The following LPCAT2 variants were observed in gnomAD, a reference collection of about 807,000 sequenced individuals.
The protein encoded by LPCAT2 is 1-AGP acyltransferase 11.
A neutral mutation model predicts 64.7 loss-of-function variants in LPCAT2; 58 were observed. The observed-to-expected ratio is 0.90, with a 90% CI of 0.73 to 1.12. The LOEUF is 1.12. Among genes scored for constraint, LPCAT2 ranks in the 50% most tolerant of loss-of-function variants. LPCAT2 has a pLI of 0.00. For missense variants in LPCAT2, 579 were observed against 669.8 expected, an observed-to-expected ratio of 0.86 and a Z score of 1.50; for synonymous variants, 252 against 245.3, an observed-to-expected ratio of 1.03 and a Z score of -0.26.
chr16:55,509,402 C>T (rs754023480), intron 1 of LPCAT2, 50 bp downstream of exon 1: 1 of 1,284,062 alleles, frequency 7.8e-7, no homozygotes, highest in Non-Finnish European at 9.9e-7. Flanking sequence ...GGGCCTAGGT[C>T]AGAGGGGGGT....
intron 11 of LPCAT2, among the ~76,000 whole-genome samples, chr16:55,572,025 G>A (rs999125349): frequency 6.6e-6 from 1 of 152,126 alleles, no homozygotes; most frequent in Non-Finnish European, 1.5e-5. Context: ...ATCTCTCAGA[G>A]TAATTTCCAT....
chr16:55,568,501 A>G (rs893441971), intron 11 of LPCAT2, among the ~76,000 whole-genome samples: 1 of 152,226 alleles, frequency 6.6e-6, no homozygotes, highest in Non-Finnish European at 1.5e-5. Context: ...TGACTATTGC[A>G]ATTATTCTCA....
At chr16:55,516,687 A>G (rs915720841) in intron 1 of LPCAT2, among the ~76,000 whole-genome samples, 2 of 152,224 alleles carry the variant, frequency 1.3e-5, no homozygotes, top group Admixed American at 6.5e-5. Flanking sequence ...GATTTTCAAC[A>G]ATGCTAGAGA....
chr16:55,530,786 A>G (rs1429659242), intron 4 of LPCAT2, among the ~76,000 whole-genome samples: 1 of 152,170 alleles, frequency 6.6e-6, no homozygotes, highest in Non-Finnish European at 1.5e-5. Flanking sequence ...TAGGACTGGT[A>G]GATGGGAGAT....
intron 13 of LPCAT2, among the ~76,000 whole-genome samples, chr16:55,582,060 A>G (rs1450289362): frequency 6.6e-6 from 1 of 152,222 alleles, no homozygotes; most frequent in African/African-American, 2.4e-5. Context: ...AAAACCAATT[A>G]TAGAAAGTGG....
At chr16:55,514,461 C>T (rs1205794981) in intron 1 of LPCAT2, among the ~76,000 whole-genome samples, 1 of 152,154 alleles carries the variant, frequency 6.6e-6, no homozygotes, top group African/African-American at 2.4e-5. Flanking sequence ...TAATTATTAG[C>T]TGATTACTAA....
chr16:55,567,440 A>T, intron 11 of LPCAT2: 1 of 1,613,810 alleles, frequency 6.2e-7, no homozygotes, highest in South Asian at 1.1e-5. Flanking sequence ...CTCTGGATAG[A>T]GATAGAGATG....
intron 1 of LPCAT2, among the ~76,000 whole-genome samples, chr16:55,513,589 G>A (rs1962965271): frequency 6.6e-6 from 1 of 151,998 alleles, no homozygotes; most frequent in Non-Finnish European, 1.5e-5. Context: ...AATCCAAGGA[G>A]CATTTATTTA....
intron 11 of LPCAT2, among the ~76,000 whole-genome samples, chr16:55,574,301 C>T (rs1963802823): frequency 6.6e-6 from 1 of 152,162 alleles, no homozygotes; most frequent in African/African-American, 2.4e-5. Context: ...ACTTCACTTC[C>T]ACAAAGGATG....
intron 6 of LPCAT2, among the ~76,000 whole-genome samples, chr16:55,533,869 G>A (rs1963289349): frequency 6.6e-6 from 1 of 152,042 alleles, no homozygotes; most frequent in African/African-American, 2.4e-5. Context: ...TTCTTTACTA[G>A]AGAATTTATA....
Position 55,529,914 on chromosome 16 carries a change from A to G in LPCAT2, c.609A>G (p.Ile203Met). Residue 203 changes from isoleucine to methionine, a missense_variant, in exon 4 of 14, where the codon ATA becomes ATG. Transcript: ENST00000262134. ...DSRKNTINEI[I>M]KRTTSGGEWP... is the part of the protein sequence containing the mutation. ...GAAAAAACACAATAAATGAAATAAT[A>G]AAGCGAACAACATCAGGAGGAGAAT... 2 of 1,611,796 alleles carry G rather than the reference A, an allele frequency of 1.2e-6. No homozygotes were observed. Among genetic ancestry groups the G allele is most frequent in the Non-Finnish European group, 1.7e-6 (2 of 1,179,090 alleles).
chr16:55,560,385 T>G (rs1398513134), intron 11 of LPCAT2, among the ~76,000 whole-genome samples: 3 of 152,110 alleles, frequency 2.0e-5, no homozygotes, highest in Non-Finnish European at 4.4e-5. Context: ...TGTGTTATTC[T>G]AGACGAGGTT....
At chr16:55,575,608 C>T (rs540412053) in intron 12 of LPCAT2, among the ~76,000 whole-genome samples, 1 of 152,262 alleles carries the variant, frequency 6.6e-6, no homozygotes, top group African/African-American at 2.4e-5. Flanking sequence ...TCATCTCTTC[C>T]TGACTTTCTT....
rs944231348 is a variant in LPCAT2 at position 55,511,772 on chromosome 16, A to G, written c.171+2420A>G. Among the ~76,000 whole-genome samples the G allele has an allele frequency of 7.9e-5, 12 of 152,236 alleles. No individual in the cohort carries two copies. The South Asian group carries it at 8.3e-4, about 11-fold the overall frequency. On this transcript the variant is annotated intron_variant, in intron 1 of 13. Transcript: ENST00000262134. ...TGCCTAATATTTTGCAACTTGTTCA[A>G]TTAAAATCCATATGGGTTGCTCAGT...
At chr16:55,509,460 G>A (rs1962893275) in intron 1 of LPCAT2, 108 bp downstream of exon 1, 1 of 1,178,662 alleles carries the variant, frequency 8.5e-7, no homozygotes. Flanking sequence ...CGAGGGGGGC[G>A]TGGGTCTGAG....
At chr16:55,528,702 C>A in intron 3 of LPCAT2, 108 bp downstream of exon 3, 1 of 782,886 alleles carries the variant, frequency 1.3e-6, no homozygotes, top group Non-Finnish European at 2.0e-6. Flanking sequence ...TTAAAATAAA[C>A]ATTTCAAACA....
chr16:55,567,049 C>T, intron 11 of LPCAT2: 1 of 1,613,878 alleles, frequency 6.2e-7, no homozygotes, highest in Non-Finnish European at 8.5e-7. Context: ...GTGGGTGCCA[C>T]TGATCTGATG....
intron 11 of LPCAT2, chr16:55,567,476 A>T: frequency 6.2e-7 from 1 of 1,613,214 alleles, no homozygotes; most frequent in Non-Finnish European, 8.5e-7. Flanking sequence ...CTATCAAAGA[A>T]TGGCTGCAGT....
intron 8 of LPCAT2, 55 bp downstream of exon 8, chr16:55,537,687 T>C: frequency 6.7e-7 from 1 of 1,482,256 alleles, no homozygotes; most frequent in Non-Finnish European, 9.4e-7. Context: ...TCCTTTAATT[T>C]TGAACCTCTA....
Sources: allele counts gnomAD v4.1 joint callset (sites outside exome capture counted in the v4.1 genomes callset), GRCh38; gene constraint gnomAD v4.1.1; transcripts MANE v1.5; gene names NCBI Gene and HGNC (gene_info 2026-07-23, HGNC 2026-07-21).